SPATS2: variants seen among roughly 807,000 people sequenced by gnomAD.
The protein encoded by SPATS2 is spermatogenesis associated serine rich 2.
A neutral mutation model predicts 63.7 loss-of-function variants in SPATS2; 38 were observed. That is an observed-to-expected ratio of 0.60 (90% confidence interval 0.46 to 0.78). The LOEUF is 0.78. Ranked by LOEUF, SPATS2 falls within the 30% of genes least tolerant of loss-of-function variation. SPATS2 has a pLI of 0.00. For missense variants in SPATS2, 588 were observed against 666.2 expected, an observed-to-expected ratio of 0.88 and a Z score of 1.29; for synonymous variants, 207 against 232.9, an observed-to-expected ratio of 0.89 and a Z score of 1.01.
intron 2 of SPATS2, among the ~76,000 whole-genome samples, chr12:49,380,086 C>G (rs978180592): frequency 1.3e-5 from 2 of 151,738 alleles, no homozygotes; most frequent in Non-Finnish European, 2.9e-5. Context: ...AATATATGAC[C>G]TTTTGTGTCT....
chr12:49,485,737 A>G (rs947509499), intron 4 of SPATS2, among the ~76,000 whole-genome samples: 3 of 150,728 alleles, frequency 2.0e-5, no homozygotes, highest in Non-Finnish European at 3.0e-5. Context: ...TGAGAAAAAC[A>G]TAAAAGCTTT....
chr12:49,404,791 A>AACT (rs1944666313), intron 2 of SPATS2, among the ~76,000 whole-genome samples: 1 of 152,144 alleles, frequency 6.6e-6, no homozygotes, highest in African/African-American at 2.4e-5. Flanking sequence ...GGGGTTGGTA[A>AACT]ACTACTGTTC....
chr12:49,387,632 C>T (rs1226803702), intron 2 of SPATS2, among the ~76,000 whole-genome samples: 1 of 129,372 alleles, frequency 7.7e-6, no homozygotes. Context: ...GAACTAGACT[C>T]TGTCTCAAAA....
chr12:49,448,285 C>G (rs981892152), intron 2 of SPATS2, among the ~76,000 whole-genome samples: 20 of 151,372 alleles, frequency 1.3e-4, no homozygotes, highest in African/African-American at 4.1e-4. Flanking sequence ...CTACAGGCAC[C>G]CGCCACCATG....
Position 49,367,505 on chromosome 12 carries a change from C to T in SPATS2, c.-389C>T, listed in dbSNP as rs915520911. On this transcript the variant is annotated 5_prime_UTR_variant, in exon 1 of 14. Coordinates refer to ENST00000552918, the MANE Select transcript of SPATS2 (RefSeq NM_023071.4). Reference sequence around the variant, plus strand: ...TCTAGAAGGGGAGGTGGAGGATCTCCTTTCCTCTTCTCAGACCCGGGAGCG... The same window carrying T: ...TCTAGAAGGGGAGGTGGAGGATCTCTTTTCCTCTTCTCAGACCCGGGAGCG... 440 of 399,050 alleles carry T rather than the reference C, an allele frequency of 1.1e-3. No individual in the cohort carries two copies. The highest frequency in any genetic ancestry group is 1.7e-3 in the Non-Finnish European group (377 of 226,754). 24.7% of individuals were successfully genotyped at this position (399,050 alleles called of 1,614,324 possible).
chr12:49,501,686 C>T (rs1946569911), intron 9 of SPATS2, among the ~76,000 whole-genome samples: 1 of 152,150 alleles, frequency 6.6e-6, no homozygotes, highest in Admixed American at 6.5e-5. Flanking sequence ...CCAATCTTGG[C>T]TCACTGCAAC....
At chr12:49,381,788 A>G (rs764646590) in intron 2 of SPATS2, among the ~76,000 whole-genome samples, 4 of 152,196 alleles carry the variant, frequency 2.6e-5, no homozygotes, top group African/African-American at 7.2e-5. Context: ...GTTCAAAAGA[A>G]GATAGATGAG....
chr12:49,468,608 C>T (rs1033020918), intron 3 of SPATS2, among the ~76,000 whole-genome samples: 22 of 152,110 alleles, frequency 1.4e-4, no homozygotes, highest in African/African-American at 5.3e-4. Flanking sequence ...CCTCAAGTAG[C>T]TGGGACTACA....
intron 2 of SPATS2, among the ~76,000 whole-genome samples, chr12:49,456,946 T>C (rs1175816944): frequency 6.6e-6 from 1 of 152,200 alleles, no homozygotes; most frequent in Non-Finnish European, 1.5e-5. Flanking sequence ...AAAGGTTTGC[T>C]TCATTGCATT....
chr12:49,519,030 A>AG (rs748742425), intron 10 of SPATS2, 43 bp from the exon 11 acceptor site: 1 of 1,515,924 alleles, frequency 6.6e-7, no homozygotes, highest in South Asian at 1.2e-5. Flanking sequence ...TCTTTATCCT[A>AG]TTTAGCAGCA....
chr12:49,425,753 C>T (rs1437292850), intron 2 of SPATS2, among the ~76,000 whole-genome samples: 2 of 152,192 alleles, frequency 1.3e-5, no homozygotes, highest in African/African-American at 4.8e-5. Flanking sequence ...CCTCAGCCTC[C>T]CAAGTAGCTG....
intron 2 of SPATS2, among the ~76,000 whole-genome samples, chr12:49,442,126 C>T (rs1413306832): frequency 6.6e-6 from 1 of 152,032 alleles, no homozygotes; most frequent in Non-Finnish European, 1.5e-5. Context: ...AACTACCTGC[C>T]CAGCTGACAC....
At chr12:49,520,604 G>A (rs1176289779) in intron 11 of SPATS2, among the ~76,000 whole-genome samples, 1 of 152,164 alleles carries the variant, frequency 6.6e-6, no homozygotes, top group Non-Finnish European at 1.5e-5. Context: ...ACCTTGGCAT[G>A]TACTTGGTCT....
At chr12:49,435,249 C>T (rs1178390665) in intron 2 of SPATS2, among the ~76,000 whole-genome samples, 2 of 151,718 alleles carry the variant, frequency 1.3e-5, no homozygotes, top group Non-Finnish European at 2.9e-5. Context: ...CCAGGATGGT[C>T]TCGATCTCCT....
intron 2 of SPATS2, among the ~76,000 whole-genome samples, chr12:49,426,873 C>T (rs1039651450): frequency 1.3e-5 from 2 of 152,150 alleles, no homozygotes; most frequent in African/African-American, 4.8e-5. Flanking sequence ...GAATGTGTTA[C>T]AATTTATCCA....
chr12:49,444,177 T>TTC (rs1945471449), intron 2 of SPATS2, among the ~76,000 whole-genome samples: 1 of 151,974 alleles, frequency 6.6e-6, no homozygotes, highest in African/African-American at 2.4e-5. Context: ...GATTTGTACA[T>TTC]CTGTTATTTT....
intron 4 of SPATS2, among the ~76,000 whole-genome samples, chr12:49,485,757 C>CTTTTT (rs1304633706): frequency 7.8e-6 from 1 of 128,940 alleles, no homozygotes; most frequent in Non-Finnish European, 1.7e-5. Flanking sequence ...TATGGGCTCT[C>CTTTTT]TTTTTTTTTT....
intron 4 of SPATS2, among the ~76,000 whole-genome samples, chr12:49,487,880 A>G (rs981333914): frequency 5.9e-5 from 9 of 152,012 alleles, no homozygotes; most frequent in African/African-American, 2.2e-4. Context: ...ACTGGGCTTA[A>G]TGGCACTATG....
chr12:49,483,359 A>G (rs1242192011), intron 3 of SPATS2, among the ~76,000 whole-genome samples: 2 of 151,946 alleles, frequency 1.3e-5, no homozygotes, highest in East Asian at 3.9e-4. Context: ...AGGAATTCTG[A>G]GAAGGTTCTA....
Sources: gnomAD v4.1 joint callset for allele counts (sites outside exome capture counted in the v4.1 genomes callset) on GRCh38, gnomAD v4.1.1 for gene constraint, MANE v1.5 for transcripts, NCBI Gene and HGNC (gene_info 2026-07-23, HGNC 2026-07-21) for gene names.